JMY: variants seen among roughly 807,000 people sequenced by gnomAD.
The protein encoded by JMY is junction mediating and regulatory protein, p53 cofactor, also known as junction-mediating and -regulatory protein.
JMY carries 46 observed loss-of-function variants against 103.3 expected under a neutral mutation model. That is an observed-to-expected ratio of 0.45 (90% confidence interval 0.35 to 0.57). JMY has a LOEUF of 0.57. Among genes scored for constraint, JMY ranks in the 20% least tolerant of loss-of-function variants. The probability of loss-of-function intolerance (pLI) is 0.00; values close to 1 mark genes in which losing one functional copy is unlikely to be tolerated. For synonymous variants in JMY, 526 were observed against 489.3 expected, an observed-to-expected ratio of 1.07 and a Z score of -0.99; for missense variants, 1,238 against 1,255.2, an observed-to-expected ratio of 0.99 and a Z score of 0.21.
In JMY at chr5:79,326,042, T is replaced by C. The variant is rs1747633183; in HGVS notation, c.*4440T>C. 6.6e-6 allele frequency: 1 copy of C among 152,206 alleles called. No homozygotes were observed. The highest frequency in any genetic ancestry group is 2.1e-4 in the South Asian group (1 of 4,836). 9.4% of individuals were successfully genotyped at this position (152,206 alleles called of 1,614,324 possible). A position where few individuals can be genotyped will look rare whatever the true frequency, so the allele number is the denominator to read the frequency against. ...TTCCAAATTTATACTGTCTCTTCCC[T>C]TCTGCAGAGACATTATGCCACTGTA... On this transcript the variant is annotated 3_prime_UTR_variant, in exon 11 of 11. Coordinates refer to ENST00000396137, the MANE Select transcript of JMY (RefSeq NM_152405.5).
At chr5:79,265,698 C>G (rs765435229) in intron 1 of JMY, among the ~76,000 whole-genome samples, 1 of 152,058 alleles carries the variant, frequency 6.6e-6, no homozygotes, top group African/African-American at 2.4e-5. Flanking sequence ...ATGTCCCACT[C>G]CCTCCTATGA....
intron 1 of JMY, among the ~76,000 whole-genome samples, chr5:79,266,422 ACTTGTTAAATGAC>A (rs1164215122): frequency 6.6e-6 from 1 of 152,198 alleles, no homozygotes; most frequent in Non-Finnish European, 1.5e-5. Flanking sequence ...ATGTATTAAT[ACTTGTTAAATGAC>A]CAAGGTCAGG....
intron 1 of JMY, among the ~76,000 whole-genome samples, chr5:79,268,284 G>A (rs1338130653): frequency 6.6e-6 from 1 of 152,020 alleles, no homozygotes; most frequent in East Asian, 1.9e-4. Flanking sequence ...AAATAAGACT[G>A]TTATGGTGTC....
intron 4 of JMY, among the ~76,000 whole-genome samples, chr5:79,294,941 T>C (rs1162890979): frequency 6.6e-6 from 1 of 152,194 alleles, no homozygotes; most frequent in Non-Finnish European, 1.5e-5. Context: ...TATAATTCCT[T>C]GATAATTTCT....
At chr5:79,286,407 G>A (rs533357247) in intron 2 of JMY, among the ~76,000 whole-genome samples, 4 of 152,224 alleles carry the variant, frequency 2.6e-5, no homozygotes, top group African/African-American at 9.6e-5. Context: ...TCGAGAGGCC[G>A]AGGTGGGCAA....
Position 79,236,628 on chromosome 5 carries a change from C to A in JMY, c.-23C>A. 1 of 1,367,898 alleles carries A rather than the reference C, an allele frequency of 7.3e-7. No homozygotes were observed. The highest frequency in any genetic ancestry group is 9.6e-7 in the Non-Finnish European group (1 of 1,045,668). 84.7% of individuals were successfully genotyped at this position (1,367,898 alleles called of 1,614,324 possible). ...GCGGGCCGGGCCGGCGGCCCTTCCC[C>A]GCGGCGAGAAGCCGGAGCCACCATG... On this transcript the variant is annotated 5_prime_UTR_variant, in exon 1 of 11. Transcript: ENST00000396137.
At chr5:79,263,905 C>A (rs1745501097) in intron 1 of JMY, among the ~76,000 whole-genome samples, 1 of 151,820 alleles carries the variant, frequency 6.6e-6, no homozygotes, top group African/African-American at 2.4e-5. Flanking sequence ...GCAAGCAATT[C>A]TCCTGCCTCA....
intron 6 of JMY, among the ~76,000 whole-genome samples, chr5:79,303,838 T>C (rs775593887): frequency 2.0e-5 from 3 of 151,908 alleles, no homozygotes; most frequent in Non-Finnish European, 4.4e-5. Context: ...TCGAGAAAAG[T>C]TGTGGGCAAG....
chr5:79,318,849 A>G (rs976193598), intron 10 of JMY, among the ~76,000 whole-genome samples: 18 of 150,890 alleles, frequency 1.2e-4, no homozygotes, highest in African/African-American at 4.4e-4. Flanking sequence ...GGTATGTCTA[A>G]CTGGGAATCT....
chr5:79,258,305 G>GTTTTTTTTTT (rs199879072), intron 1 of JMY, among the ~76,000 whole-genome samples: 14 of 117,020 alleles, frequency 1.2e-4, no homozygotes, highest in South Asian at 3.3e-4. Context: ...GGCTTTTTTT[G>GTTTTTTTTTT]TTTTTGTTGT....
At chr5:79,259,438 C>T (rs965269441) in intron 1 of JMY, among the ~76,000 whole-genome samples, 2 of 152,210 alleles carry the variant, frequency 1.3e-5, no homozygotes, top group African/African-American at 4.8e-5. Flanking sequence ...GATCAGCAGT[C>T]TGACACCCAG....
intron 1 of JMY, among the ~76,000 whole-genome samples, chr5:79,238,698 AG>A (rs752667852): frequency 9.3e-5 from 12 of 129,116 alleles, no homozygotes; most frequent in Non-Finnish European, 1.9e-4. Context: ...CCCAGGCTGG[AG>A]TACAGTGGCA....
At chr5:79,284,797 A>T in intron 2 of JMY, 1 of 1,577,312 alleles carries the variant, frequency 6.3e-7, no homozygotes, top group Non-Finnish European at 8.6e-7. Context: ...AATATTTCTT[A>T]TATTGAACAT....
chr5:79,319,009 C>T (rs913256328), intron 10 of JMY, among the ~76,000 whole-genome samples: 3 of 152,194 alleles, frequency 2.0e-5, no homozygotes, highest in Non-Finnish European at 4.4e-5. Context: ...GCTGGACCTT[C>T]ACATAAATGT....
chr5:79,278,789 A>G (rs1368992332), intron 2 of JMY, among the ~76,000 whole-genome samples: 1 of 111,006 alleles, frequency 9.0e-6, no homozygotes, highest in Admixed American at 9.1e-5. Flanking sequence ...TTTTGGGAAC[A>G]TTTCTTTTTT....
chr5:79,263,172 C>T (rs538443074), intron 1 of JMY, among the ~76,000 whole-genome samples: 4 of 152,094 alleles, frequency 2.6e-5, no homozygotes, highest in Non-Finnish European at 5.9e-5. Context: ...AAACCATTAT[C>T]TCGAAGAAAG....
chr5:79,318,863 C>T (rs922955109), intron 10 of JMY, among the ~76,000 whole-genome samples: 7 of 150,774 alleles, frequency 4.6e-5, no homozygotes, highest in Admixed American at 4.0e-4. Flanking sequence ...GGAATCTTTT[C>T]CATAGTGGAT....
At chr5:79,260,455 A>G (rs1410598987) in intron 1 of JMY, among the ~76,000 whole-genome samples, 5 of 152,136 alleles carry the variant, frequency 3.3e-5, no homozygotes. Context: ...ATCTTGCCTC[A>G]CTGCAGCCTC....
At chr5:79,239,416 CTT>C (rs1299432312) in intron 1 of JMY, among the ~76,000 whole-genome samples, 1 of 152,162 alleles carries the variant, frequency 6.6e-6, no homozygotes, top group African/African-American at 2.4e-5. Context: ...GCTTCTTTCT[CTT>C]ATTAGATTTA....
Sources: gnomAD v4.1 joint callset for allele counts (sites outside exome capture counted in the v4.1 genomes callset) on GRCh38, gnomAD v4.1.1 for gene constraint, MANE v1.5 for transcripts, NCBI Gene and HGNC (gene_info 2026-07-23, HGNC 2026-07-21) for gene names.